Variants in TRDN observed in about 807,000 individuals in gnomAD.
TRDN encodes triadin in skeletal muscle.
Under a neutral mutation model 149.7 loss-of-function variants are expected in TRDN, and 161 were observed. The ratio of observed to expected loss-of-function variants is 1.08; its 90% confidence interval spans 0.95 to 1.23. TRDN has a LOEUF of 1.23. TRDN is among the 50% of genes most tolerant of loss of function. The pLI is 0.00. For synonymous variants in TRDN, 294 were observed against 250.5 expected, an observed-to-expected ratio of 1.17 and a Z score of -1.64; for missense variants, 896 against 823.5, an observed-to-expected ratio of 1.09 and a Z score of -1.08.
At chr6:123,473,856 C>T (rs1056773330) in intron 9 of TRDN, among the ~76,000 whole-genome samples, 33 of 151,804 alleles carry the variant, frequency 2.2e-4, no homozygotes, top group African/African-American at 6.5e-4. Context: ...GCTTCATAAG[C>T]GAACGAGAAA....
At chr6:123,415,500 G>C (rs950560077) in intron 12 of TRDN, among the ~76,000 whole-genome samples, 2 of 152,152 alleles carry the variant, frequency 1.3e-5, no homozygotes, top group Admixed American at 6.5e-5. Context: ...GTCTAAGCAG[G>C]TAGCCCTTAA....
Position 123,352,581 on chromosome 6 carries a change from G to A in TRDN, c.1327C>T (p.Pro443Ser). The A allele has an allele frequency of 1.9e-6, 3 of 1,608,552 alleles. No individual in the cohort carries two copies. The highest frequency in any genetic ancestry group is 2.5e-6 in the Non-Finnish European group (3 of 1,177,168). The change falls in exon 21 of 41, where the codon CCT becomes TCT. Residue 443 changes from proline to serine, a missense_variant. Coordinates refer to ENST00000334268, the MANE Select transcript of TRDN (RefSeq NM_006073.4). The stretch of plus-strand genomic sequence containing the variant: ...GTTGTTTTCTCTTCCTTCTTTCCAG[G>A]TACAGCTGCAAAACAAAGATAAGGT... ...IGAVSIKKAV[P>S]GKKEEKTTKT...
chr6:123,581,101 A>G (rs1205057168), intron 1 of TRDN, among the ~76,000 whole-genome samples: 1 of 152,166 alleles, frequency 6.6e-6, no homozygotes, highest in Admixed American at 6.6e-5. Context: ...GAGATATTGA[A>G]TTCCTGAGAC....
rs1322233071 is a variant in TRDN at position 123,401,952 on chromosome 6, G to GAA, written c.1052-8277_1052-8276dup. Among the ~76,000 whole-genome samples the GAA allele has an allele frequency of 3.9e-3, 290 of 75,100 alleles. 1 individual carries two copies. Among genetic ancestry groups the GAA allele is most frequent in the African/African-American group, 0.011 (244 of 22,368 alleles). 49.3% of individuals were successfully genotyped at this position (75,100 alleles called of 152,430 possible). On this transcript the variant is annotated intron_variant, in intron 12 of 40. Transcript: ENST00000334268. The stretch of plus-strand genomic sequence containing the variant: ...ACGGAGCGAGACTCCAACTCAAAAA[G>GAA]AAAAAAAAAAAAAAAACTAAAGGAG...
chr6:123,573,117 A>C (rs1397958312), intron 1 of TRDN, among the ~76,000 whole-genome samples: 1 of 152,090 alleles, frequency 6.6e-6, no homozygotes, highest in African/African-American at 2.4e-5. Flanking sequence ...CAAAAAAGTT[A>C]TGCTTTGGGC....
intron 10 of TRDN, chr6:123,463,049 T>C (rs564119502): frequency 6.6e-6 from 1 of 152,300 alleles, no homozygotes; most frequent in East Asian, 1.9e-4. Context: ...ATTACATTGC[T>C]CTTTAAATAA....
chr6:123,422,923 T>C (rs1221120047), intron 12 of TRDN, among the ~76,000 whole-genome samples: 2 of 152,118 alleles, frequency 1.3e-5, no homozygotes, highest in African/African-American at 4.8e-5. Flanking sequence ...AAGGGGCTAT[T>C]AGGAAAAAAT....
chr6:123,387,994 A>G (rs2114441649), intron 14 of TRDN, among the ~76,000 whole-genome samples: 1 of 152,210 alleles, frequency 6.6e-6, no homozygotes, highest in East Asian at 1.9e-4. Flanking sequence ...GCTCATCCCA[A>G]GCTCCTCCAA....
intron 12 of TRDN, among the ~76,000 whole-genome samples, chr6:123,398,375 G>T (rs1772820677): frequency 6.6e-6 from 1 of 152,148 alleles, no homozygotes; most frequent in Non-Finnish European, 1.5e-5. Context: ...CAGATCAGGA[G>T]TTAAATTCAT....
chr6:123,489,928 A>C (rs1401753321), intron 9 of TRDN, among the ~76,000 whole-genome samples: 2 of 152,104 alleles, frequency 1.3e-5, no homozygotes, highest in African/African-American at 4.8e-5. Flanking sequence ...GTTTCACTGA[A>C]CACAGTTTAT....
intron 24 of TRDN, among the ~76,000 whole-genome samples, chr6:123,279,361 A>G (rs1158222000): frequency 6.6e-6 from 1 of 152,160 alleles, no homozygotes; most frequent in Non-Finnish European, 1.5e-5. Flanking sequence ...AGAAGTAGCC[A>G]TAGATAATAA....
intron 38 of TRDN, among the ~76,000 whole-genome samples, chr6:123,237,797 A>C (rs1302077041): frequency 6.6e-6 from 1 of 152,198 alleles, no homozygotes; most frequent in Non-Finnish European, 1.5e-5. Flanking sequence ...GTGCCCTGAA[A>C]GTATGTCACA....
At chr6:123,458,024 G>T (rs1411519643) in intron 10 of TRDN, among the ~76,000 whole-genome samples, 1 of 152,108 alleles carries the variant, frequency 6.6e-6, no homozygotes, top group East Asian at 1.9e-4. Flanking sequence ...AAATCTTACA[G>T]TTGATCCTTT....
intron 2 of TRDN, among the ~76,000 whole-genome samples, chr6:123,557,016 T>A (rs1449128170): frequency 6.6e-6 from 1 of 152,036 alleles, no homozygotes; most frequent in Non-Finnish European, 1.5e-5. Context: ...TCCTGGCTCA[T>A]CCTAGCTCAA....
At chr6:123,247,149 C>T (rs944583880) in intron 38 of TRDN, among the ~76,000 whole-genome samples, 1 of 152,174 alleles carries the variant, frequency 6.6e-6, no homozygotes, top group Non-Finnish European at 1.5e-5. Context: ...CAATAGCATA[C>T]TGAATGGGCA....
At chr6:123,580,528 T>C (rs1378143374) in intron 1 of TRDN, among the ~76,000 whole-genome samples, 1 of 152,198 alleles carries the variant, frequency 6.6e-6, no homozygotes, top group Non-Finnish European at 1.5e-5. Flanking sequence ...CAGAATTAAA[T>C]GACATCAGGG....
Position 123,465,118 on chromosome 6 carries a change from A to T in TRDN, c.854-135T>A, listed in dbSNP as rs1007958016. 8.6e-6 allele frequency: 8 copies of T among 927,298 alleles called. No homozygotes were observed. In the African/African-American group the frequency reaches 1.6e-4, roughly 19 times the overall value. 57.4% of individuals were successfully genotyped at this position (927,298 alleles called of 1,614,324 possible). The stretch of plus-strand genomic sequence containing the variant: ...CAAGTATAAATCATATTATTATGCA[A>T]AAAAGAAAGCTATTATTAAGGGAGA... On this transcript the variant is annotated intron_variant, in intron 9 of 40. Coordinates refer to ENST00000334268, the MANE Select transcript of TRDN (RefSeq NM_006073.4).
At chr6:123,529,153 A>G in intron 5 of TRDN, 1 of 1,537,176 alleles carries the variant, frequency 6.5e-7, no homozygotes, top group Non-Finnish European at 8.8e-7. Context: ...TTAATAGCAC[A>G]GTCTGCAAGA....
intron 34 of TRDN, 53 bp downstream of exon 34, chr6:123,260,559 A>G: frequency 6.8e-7 from 1 of 1,460,370 alleles, no homozygotes; most frequent in South Asian, 1.4e-5. Context: ...ACTTAAATTT[A>G]CATACTGTTT....
Sources: gnomAD v4.1 joint callset for allele counts (sites outside exome capture counted in the v4.1 genomes callset) on GRCh38, gnomAD v4.1.1 for gene constraint, MANE v1.5 for transcripts, NCBI Gene and HGNC (gene_info 2026-07-23, HGNC 2026-07-21) for gene names.